Variants in ANGPT2 observed in about 807,000 individuals in gnomAD.
The protein encoded by ANGPT2 is angiopoietin-2.
In ANGPT2, 28 loss-of-function variants were observed where a neutral mutation model predicts 62.9. That is an observed-to-expected ratio of 0.44 (90% CI 0.33 to 0.61). ANGPT2 has a LOEUF of 0.61. ANGPT2 is among the 20% of genes least tolerant of loss of function. ANGPT2 has a pLI of 0.03. For synonymous variants in ANGPT2, 284 were observed against 207.8 expected, an observed-to-expected ratio of 1.37 and a Z score of -3.15; for missense variants, 727 against 594.9, an observed-to-expected ratio of 1.22 and a Z score of -2.31.
intron 1 of ANGPT2, among the ~76,000 whole-genome samples, chr8:6,534,348 G>C (rs1162287266): frequency 6.6e-6 from 1 of 152,004 alleles, no homozygotes; most frequent in Non-Finnish European, 1.5e-5. Flanking sequence ...ATGTGTATAG[G>C]TTATATGCAG....
chr8:6,528,520 C>G (rs962389072), intron 2 of ANGPT2, among the ~76,000 whole-genome samples: 7 of 152,200 alleles, frequency 4.6e-5, no homozygotes, highest in Admixed American at 2.0e-4. Flanking sequence ...TTTCTCCTTC[C>G]TGTTTTAAAA....
chr8:6,527,607 T>C lies in ANGPT2; in HGVS notation c.514A>G (p.Lys172Glu), dbSNP rs1275797007. ...EHSLSTNKLEKQILDQTSEIN... is the reference protein window; with the variant it reads ...EHSLSTNKLEEQILDQTSEIN... ...TCACTGGTCTGGTCCAAAATCTGTT[T>C]TTCCAATTTGTTTGTCGAGAGGGAG... The change falls in exon 3 of 9, where the codon AAA becomes GAA. Residue 172 changes from lysine (K) to glutamate (E), a missense_variant. Physicochemically the swap from Lys to Glu is moderately conservative, Grantham distance 56 (BLOSUM62 1). Coordinates refer to ENST00000629816, the MANE Select transcript of ANGPT2 (RefSeq NM_001118887.2). 1 of 1,614,112 alleles carries C rather than the reference T, an allele frequency of 6.2e-7. No individual in the cohort carries two copies. The highest frequency in any genetic ancestry group is 1.3e-5 in the African/African-American group (1 of 75,064).
At chr8:6,530,908 T>C (rs1819381103) in intron 2 of ANGPT2, among the ~76,000 whole-genome samples, 1 of 152,222 alleles carries the variant, frequency 6.6e-6, no homozygotes, top group Non-Finnish European at 1.5e-5. Context: ...TCATGTCCTC[T>C]CCTGGCTGAC....
chr8:6,558,879 C>T (rs1320531254), intron 1 of ANGPT2, among the ~76,000 whole-genome samples: 1 of 151,984 alleles, frequency 6.6e-6, no homozygotes, highest in African/African-American at 2.4e-5. Context: ...TGTATAGGCA[C>T]ATATCATACT....
chr8:6,562,138 C>G (rs1306634325), intron 1 of ANGPT2, among the ~76,000 whole-genome samples: 32 of 152,200 alleles, frequency 2.1e-4, no homozygotes, highest in Admixed American at 2.1e-3. Context: ...GAGTCACAAC[C>G]TATTTTAGTA....
At chr8:6,510,999 TC>T (rs1038653356) in intron 7 of ANGPT2, among the ~76,000 whole-genome samples, 1 of 152,232 alleles carries the variant, frequency 6.6e-6, no homozygotes, top group African/African-American at 2.4e-5. Flanking sequence ...GTACTTTCTT[TC>T]CATTGTCTTC....
chr8:6,529,703 G>A lies in ANGPT2; in HGVS notation c.445-2027C>T, dbSNP rs188430284. 1.5e-3 allele frequency among the ~76,000 whole-genome samples: 226 copies of A among 148,318 alleles called. 1 individual carries two copies. The highest frequency in any genetic ancestry group is 2.7e-3 in the Non-Finnish European group (184 of 67,450). On this transcript the variant is annotated intron_variant, in intron 2 of 8. Transcript: ENST00000629816. The stretch of plus-strand genomic sequence containing the variant: ...TGGTCTCGGACTCCTGATCTCAAGC[G>A]ATCCACCCACCTCGGCCTCTCAAAG...
chr8:6,551,079 A>G (rs1823565253), intron 1 of ANGPT2, among the ~76,000 whole-genome samples: 1 of 152,126 alleles, frequency 6.6e-6, no homozygotes, highest in African/African-American at 2.4e-5. Context: ...TAGGTAAGGG[A>G]TTTCCTTGGG....
intron 4 of ANGPT2, among the ~76,000 whole-genome samples, chr8:6,520,803 T>C (rs2515442): frequency 6.6e-6 from 1 of 152,138 alleles, no homozygotes; most frequent in African/African-American, 2.4e-5. Context: ...TTAAGTGCCA[T>C]TGTATTATCT....
intron 1 of ANGPT2, among the ~76,000 whole-genome samples, chr8:6,559,929 C>T (rs189098010): frequency 1.0e-3 from 158 of 152,276 alleles, no homozygotes; most frequent in Non-Finnish European, 1.9e-3. Flanking sequence ...ATTCATATTC[C>T]TCTGAGTTCA....
intron 1 of ANGPT2, among the ~76,000 whole-genome samples, chr8:6,551,849 T>A (rs143435434): frequency 5.4e-4 from 83 of 152,306 alleles, no homozygotes; most frequent in African/African-American, 2.0e-3. Flanking sequence ...CGAGCAGAAT[T>A]TTTACACCAA....
At chr8:6,523,656 C>G (rs970855022) in intron 3 of ANGPT2, among the ~76,000 whole-genome samples, 15 of 152,160 alleles carry the variant, frequency 9.9e-5, no homozygotes, top group Non-Finnish European at 2.1e-4. Flanking sequence ...GTGGCGCGAT[C>G]TCAGCTCGCT....
intron 2 of ANGPT2, among the ~76,000 whole-genome samples, chr8:6,530,827 C>G (rs1446856848): frequency 6.6e-6 from 1 of 152,152 alleles, no homozygotes; most frequent in Non-Finnish European, 1.5e-5. Context: ...TTTAGGAAGA[C>G]AATGAAAGAA....
At chr8:6,543,847 T>A (rs1822053831) in intron 1 of ANGPT2, among the ~76,000 whole-genome samples, 1 of 152,224 alleles carries the variant, frequency 6.6e-6, no homozygotes, top group African/African-American at 2.4e-5. Flanking sequence ...GTGCATGGAC[T>A]TTAAGGAGCT....
intron 1 of ANGPT2, among the ~76,000 whole-genome samples, chr8:6,562,434 A>C (rs1825672987): frequency 6.6e-6 from 1 of 151,946 alleles, no homozygotes; most frequent in African/African-American, 2.4e-5. Flanking sequence ...ATTCTTTCCA[A>C]ATAATTATTT....
intron 1 of ANGPT2, among the ~76,000 whole-genome samples, chr8:6,550,488 GA>G (rs1374612087): frequency 6.6e-6 from 1 of 152,196 alleles, no homozygotes; most frequent in Non-Finnish European, 1.5e-5. Flanking sequence ...GGGTGAAGCG[GA>G]AACAAGGGTA....
intron 3 of ANGPT2, among the ~76,000 whole-genome samples, chr8:6,526,257 T>TAAAAAAAA (rs35519559): frequency 2.6e-4 from 20 of 77,490 alleles, no homozygotes; most frequent in African/African-American, 8.5e-4. Context: ...TTGCCTCTAC[T>TAAAAAAAA]AAAAAAAAAA....
intron 1 of ANGPT2, among the ~76,000 whole-genome samples, chr8:6,560,792 G>A (rs965018673): frequency 6.6e-6 from 1 of 152,160 alleles, no homozygotes; most frequent in Non-Finnish European, 1.5e-5. Flanking sequence ...CAAGAGAAGG[G>A]GTAGTTTACC....
At chr8:6,554,702 G>A (rs1824282568) in intron 1 of ANGPT2, among the ~76,000 whole-genome samples, 1 of 152,140 alleles carries the variant, frequency 6.6e-6, no homozygotes, top group African/African-American at 2.4e-5. Context: ...TTGCTCAGAG[G>A]GAGAACCAGT....
Sources: allele counts gnomAD v4.1 joint callset (sites outside exome capture counted in the v4.1 genomes callset), GRCh38; gene constraint gnomAD v4.1.1; transcripts MANE v1.5; gene names NCBI Gene and HGNC (gene_info 2026-07-23, HGNC 2026-07-21).